FALEC: variants seen among roughly 807,000 people sequenced by gnomAD.
FALEC encodes focally amplified lncRNA on chromosome 1.
chr1:150,525,280 C>G, the FALEC span, among the ~76,000 whole-genome samples: 1 of 152,020 alleles, frequency 6.6e-6, no homozygotes, highest in Non-Finnish European at 1.5e-5. Context: ...GAGCAAGTGT[C>G]CGTCTCAAAA....
At chr1:150,518,626 G>A (rs979174429), downstream of FALEC, among the ~76,000 whole-genome samples, 2 of 151,800 alleles carry the variant, frequency 1.3e-5, no homozygotes, top group Admixed American at 6.6e-5. Flanking sequence ...GACCTCAGGT[G>A]ATCCGCCTGC....
chr1:150,535,757 G>A, the FALEC span, among the ~76,000 whole-genome samples: 5 of 152,186 alleles, frequency 3.3e-5, no homozygotes, highest in African/African-American at 7.2e-5. Context: ...GCCTGGAGCT[G>A]CTCGTAAACA....
the FALEC span, among the ~76,000 whole-genome samples, chr1:150,523,921 A>C: frequency 6.6e-6 from 1 of 152,144 alleles, no homozygotes; most frequent in African/African-American, 2.4e-5. Context: ...ACAGAAGAGA[A>C]GGAATTTGAC....
chr1:150,523,382 G>A, the FALEC span, among the ~76,000 whole-genome samples: 67 of 151,384 alleles, frequency 4.4e-4, no homozygotes, highest in Admixed American at 2.4e-3. Context: ...GACCAGGCGC[G>A]GTGGCTCATG....
chr1:150,525,216 G>A, the FALEC span, among the ~76,000 whole-genome samples: 12 of 152,152 alleles, frequency 7.9e-5, 1 homozygote, highest in African/African-American at 1.9e-4. Context: ...GAACCCAGTA[G>A]GCGGAGCTTG....
the FALEC span, among the ~76,000 whole-genome samples, chr1:150,535,268 G>A: frequency 1.3e-5 from 2 of 152,040 alleles, no homozygotes; most frequent in East Asian, 1.9e-4. Context: ...TTTTGAGACC[G>A]AGTCTCACTC....
the FALEC span, among the ~76,000 whole-genome samples, chr1:150,533,100 C>T: frequency 0.23 from 34,474 of 152,196 alleles, 4,150 homozygotes; most frequent in East Asian, 0.43. Context: ...AGGCTCACGC[C>T]TGGCCAGGCA....
At chr1:150,523,912 C>G in the FALEC span, among the ~76,000 whole-genome samples, 19,583 of 152,084 alleles carry the variant, frequency 0.13, 1,297 homozygotes, top group African/African-American at 0.15. Flanking sequence ...GATTTGACAA[C>G]AGAAGAGAAG....
At chr1:150,523,759 C>G in the FALEC span, among the ~76,000 whole-genome samples, 1 of 151,832 alleles carries the variant, frequency 6.6e-6, no homozygotes, top group African/African-American at 2.4e-5. Context: ...ATTTCCAGGT[C>G]CTACTCCCTG....
downstream of FALEC, among the ~76,000 whole-genome samples, chr1:150,522,972 TATATA>T (rs1403534685): frequency 5.5e-3 from 290 of 52,398 alleles, 23 homozygotes; most frequent in Middle Eastern, 0.013. Flanking sequence ...TATATATATA[TATATA>T]TATATATTTT....
At chr1:150,522,886 T>TACGTATATATACATATATATAC (rs1560270661), downstream of FALEC, among the ~76,000 whole-genome samples, 2 of 98,552 alleles carry the variant, frequency 2.0e-5, 1 homozygote, top group Non-Finnish European at 4.2e-5. Flanking sequence ...CATATATATA[T>TACGTATATATACATATATATAC]ACGTATATAT....
chr1:150,524,570 C>T, the FALEC span, among the ~76,000 whole-genome samples: 3 of 151,990 alleles, frequency 2.0e-5, no homozygotes, highest in Non-Finnish European at 4.4e-5. Flanking sequence ...ACAAGTCAAT[C>T]AAAAGATGGA....
the FALEC span, among the ~76,000 whole-genome samples, chr1:150,535,126 T>C: frequency 6.6e-6 from 1 of 152,184 alleles, no homozygotes; most frequent in Non-Finnish European, 1.5e-5. Context: ...TTGAGAACAA[T>C]TGGGACTGTT....
At chr1:150,520,990 A>G (rs1250869342), downstream of FALEC, among the ~76,000 whole-genome samples, 1 of 151,438 alleles carries the variant, frequency 6.6e-6, no homozygotes, top group Non-Finnish European at 1.5e-5. Flanking sequence ...TAGCAGAGAC[A>G]GGGTTTCTCC....
At chr1:150,522,888 CGTAT>C (rs1376244345), downstream of FALEC, among the ~76,000 whole-genome samples, 17 of 47,548 alleles carry the variant, frequency 3.6e-4, no homozygotes, top group Admixed American at 9.1e-4. Context: ...TATATATATA[CGTAT>C]ATATATATAT....
downstream of FALEC, among the ~76,000 whole-genome samples, chr1:150,522,973 A>T (rs376551230): frequency 0.031 from 960 of 30,610 alleles, 187 homozygotes; most frequent in Non-Finnish European, 0.045. Context: ...ATATATATAT[A>T]TATATATATA....
At chr1:150,518,580 GTTTCTCCAT>G (rs1670601015), downstream of FALEC, among the ~76,000 whole-genome samples, 2 of 151,228 alleles carry the variant, frequency 1.3e-5, no homozygotes, top group Non-Finnish European at 3.0e-5. Flanking sequence ...GAGACATGGG[GTTTCTCCAT>G]GTCGTTCAGG....
intron 1 of FALEC, among the ~76,000 whole-genome samples, chr1:150,517,316 AG>A (rs1670580448): frequency 7.2e-6 from 1 of 139,098 alleles, no homozygotes; most frequent in Admixed American, 7.0e-5. Flanking sequence ...AAAAAAAAAA[AG>A]GTTGAGGGCA....
downstream of FALEC, among the ~76,000 whole-genome samples, chr1:150,522,873 A>G: frequency 8.1e-6 from 1 of 123,130 alleles, no homozygotes; most frequent in Non-Finnish European, 1.7e-5. Context: ...ATACGTATAT[A>G]TACATATATA....
Sources: gnomAD v4.1 joint callset for allele counts (sites outside exome capture counted in the v4.1 genomes callset) on GRCh38, gnomAD v4.1.1 for gene constraint, MANE v1.5 for transcripts, NCBI Gene and HGNC (gene_info 2026-07-23, HGNC 2026-07-21) for gene names.